The following ENTPD7 variants were observed in gnomAD, a reference collection of about 807,000 sequenced individuals.
The protein encoded by ENTPD7 is ectonucleoside triphosphate diphosphohydrolase 7, also known as NTPDase 7.
In ENTPD7, 53 loss-of-function variants were observed where a neutral mutation model predicts 77.9. That is an observed-to-expected ratio of 0.68 (90% CI 0.55 to 0.85). The LOEUF is 0.85. Among genes scored for constraint, ENTPD7 ranks in the 40% least tolerant of loss-of-function variants. The probability of loss-of-function intolerance (pLI) is 0.00; values close to 1 mark genes in which losing one functional copy is unlikely to be tolerated. For synonymous variants in ENTPD7, 248 were observed against 274.9 expected, an observed-to-expected ratio of 0.90 and a Z score of 0.97; for missense variants, 636 against 743.7, an observed-to-expected ratio of 0.86 and a Z score of 1.68.
intron 8 of ENTPD7, among the ~76,000 whole-genome samples, chr10:99,693,368 C>G (rs576933011): frequency 4.6e-5 from 7 of 152,308 alleles, no homozygotes; most frequent in Non-Finnish European, 7.4e-5. Context: ...GTTTAGCAGT[C>G]AGCAGAGAAT....
In ENTPD7 at chr10:99,706,540, G is replaced by A. The variant is rs1451767095; in HGVS notation, c.*1857G>A. ...TTTTTTTAGAGATGGAGTCTGTGTT[G>A]TCCAGGCTGGTCTCAAACTCTTGGG... is the stretch of plus-strand genomic sequence containing the variant. On this transcript the variant is annotated 3_prime_UTR_variant, in exon 13 of 13. Coordinates refer to ENST00000370489, the MANE Select transcript of ENTPD7 (RefSeq NM_020354.5). Among the ~76,000 whole-genome samples the A allele has an allele frequency of 6.6e-6, 1 of 151,346 alleles. No homozygotes were observed. The highest frequency in any genetic ancestry group is 2.4e-5 in the African/African-American group (1 of 41,148).
At position 99,698,816 on chromosome 10, in the gene ENTPD7, T is replaced by C; in HGVS notation, c.1293T>C (p.Ile431=). The C allele has an allele frequency of 6.2e-7, 1 of 1,611,352 alleles. No individual in the cohort carries two copies. Among genetic ancestry groups the C allele is most frequent in the South Asian group, 1.1e-5 (1 of 90,796 alleles). ...ATTGTACAGAGGATGTGTTGCGCAT[T>C]GGTGGCCGCTACCATGGGCCAACAT... The part of the protein sequence containing the change: ...FFYCTEDVLR[I]GGRYHGPTFA... Residue 431 remains isoleucine, a synonymous_variant, in exon 10 of 13, where the codon ATT becomes ATC. Coordinates refer to ENST00000370489, the MANE Select transcript of ENTPD7 (RefSeq NM_020354.5).
At chr10:99,680,441 CT>C (rs1254141333) in intron 5 of ENTPD7, among the ~76,000 whole-genome samples, 4 of 152,070 alleles carry the variant, frequency 2.6e-5, no homozygotes, top group Non-Finnish European at 5.9e-5. Context: ...GGCCAGACTC[CT>C]TGTTTGTGAT....
At chr10:99,666,004 G>A (rs181458526) in intron 3 of ENTPD7, among the ~76,000 whole-genome samples, 3 of 152,296 alleles carry the variant, frequency 2.0e-5, no homozygotes, top group African/African-American at 7.2e-5. Context: ...TTTCTCACTT[G>A]AAGACGACAT....
intron 8 of ENTPD7, among the ~76,000 whole-genome samples, chr10:99,693,311 C>T (rs1188709701): frequency 2.0e-5 from 3 of 152,068 alleles, no homozygotes; most frequent in African/African-American, 7.2e-5. Flanking sequence ...TTAAGATACC[C>T]AAGGAACATA....
chr10:99,660,254 A>G, intron 2 of ENTPD7: 2 of 942,234 alleles, frequency 2.1e-6, no homozygotes, highest in Non-Finnish European at 1.3e-6. Context: ...GCTAGGTGCC[A>G]CTTGAGGAGG....
At chr10:99,679,672 A>T in intron 4 of ENTPD7, 53 bp from the exon 5 acceptor site, 1 of 1,571,322 alleles carries the variant, frequency 6.4e-7, no homozygotes. Flanking sequence ...CCTGAGTCTT[A>T]TGTGAGCCGC....
intron 12 of ENTPD7, among the ~76,000 whole-genome samples, chr10:99,702,880 A>G (rs1590065387): frequency 1.3e-5 from 2 of 152,216 alleles, no homozygotes; most frequent in African/African-American, 4.8e-5. Context: ...AAGGTTGAGC[A>G]TTACTGGTCT....
rs1308281937 is a variant in ENTPD7, at chr10:99,710,601, G to T, written c.*5918G>T. The T allele has an allele frequency of 1.0e-6, 1 of 985,270 alleles. No homozygotes were observed. Among genetic ancestry groups the T allele is most frequent in the Non-Finnish European group, 1.2e-6 (1 of 829,934 alleles). 61.0% of individuals were successfully genotyped at this position (985,270 alleles called of 1,614,324 possible). A position where few individuals can be genotyped will look rare whatever the true frequency, so the allele number is the denominator to read the frequency against. On this transcript the variant is annotated 3_prime_UTR_variant, in exon 13 of 13. Transcript: ENST00000370489. ...ACAAACATTTTAGGTCAGTGTTGAG[G>T]AAAATGTGTGATGCATGTTAGAGAG...
chr10:99,666,502 C>T (rs565329073), intron 3 of ENTPD7, among the ~76,000 whole-genome samples: 1 of 152,280 alleles, frequency 6.6e-6, no homozygotes, highest in Admixed American at 6.5e-5. Context: ...AGCCATCGTG[C>T]CCAGCCAGAA....
intron 11 of ENTPD7, among the ~76,000 whole-genome samples, chr10:99,701,536 C>G (rs1271456174): frequency 6.6e-6 from 1 of 151,702 alleles, no homozygotes; most frequent in Admixed American, 6.6e-5. Context: ...GATCCGCCTG[C>G]CTCGCCCTCC....
Position 99,702,520 on chromosome 10 carries a change from GT to G in ENTPD7, c.1434del (p.Phe478LeufsTer120). The G allele has an allele frequency of 6.4e-7, 1 of 1,572,790 alleles. No homozygotes were observed. Among genetic ancestry groups the G allele is most frequent in the Non-Finnish European group, 8.6e-7 (1 of 1,162,148 alleles). ...HADEHRLKYQ[C>X]FKSAWMYQVL... ...TTATTTTTGTCACACAGATATCAGT[GT>G]TTTAAATCGGCTTGGATGTACCAAG... On this transcript the variant is annotated frameshift_variant, in exon 12 of 13. Transcript: ENST00000370489. LOFTEE classifies it high-confidence loss of function.
At chr10:99,696,163 C>A in intron 9 of ENTPD7, 41 bp downstream of exon 9, 1 of 1,601,734 alleles carries the variant, frequency 6.2e-7, no homozygotes, top group South Asian at 1.1e-5. Context: ...AATATAATGT[C>A]AGGCTGCAGA....
chr10:99,689,334 T>A (rs565939434), intron 7 of ENTPD7, among the ~76,000 whole-genome samples: 47 of 152,274 alleles, frequency 3.1e-4, no homozygotes, highest in Middle Eastern at 6.8e-3. Context: ...ATTTGATTAA[T>A]ATGTCTCTTT....
intron 2 of ENTPD7, 127 bp from the exon 3 acceptor site, chr10:99,661,319 G>C: frequency 1.4e-6 from 1 of 728,386 alleles, no homozygotes; most frequent in Non-Finnish European, 2.1e-6. Flanking sequence ...GAGATGACAA[G>C]AACATTTAGA....
intron 6 of ENTPD7, among the ~76,000 whole-genome samples, chr10:99,687,708 A>G (rs572198581): frequency 8.5e-5 from 13 of 152,268 alleles, no homozygotes; most frequent in African/African-American, 3.1e-4. Context: ...GGTCAGATCC[A>G]TGTATTTGTA....
chr10:99,684,294 C>A (rs1276117879), intron 5 of ENTPD7, among the ~76,000 whole-genome samples: 1 of 152,174 alleles, frequency 6.6e-6, no homozygotes, highest in Non-Finnish European at 1.5e-5. Context: ...TCAGGTTATC[C>A]ATGTGCCTCA....
chr10:99,677,946 A>G (rs1488212736), intron 3 of ENTPD7, among the ~76,000 whole-genome samples: 3 of 152,184 alleles, frequency 2.0e-5, no homozygotes, highest in African/African-American at 2.4e-5. Flanking sequence ...TGTTTCATGG[A>G]ACACCTTTAC....
rs74152718 is a variant in ENTPD7 at position 99,698,537 on chromosome 10, G to T, written c.1014G>T (p.Leu338Phe). 34 of 1,612,394 alleles carry T rather than the reference G, an allele frequency of 2.1e-5. No individual in the cohort carries two copies. Among genetic ancestry groups the T allele is most frequent in the Non-Finnish European group, 2.9e-5 (34 of 1,178,814 alleles). Residue 338 changes from leucine to phenylalanine, a missense_variant, in exon 10 of 13, where the codon TTG (leucine) becomes TTT (phenylalanine). Physicochemically the swap from Leu to Phe is conservative, Grantham distance 22. Transcript: ENST00000370489. Reference protein sequence around the residue: ...VLNETLNKNRLLGQKTGLSPD... With the variant: ...VLNETLNKNRFLGQKTGLSPD... ...TTTGTTTTTGTCATTGTGGCAGATT[G>T]CTTGGTCAGAAGACAGGTCTGAGTC...
Sources: gnomAD v4.1 joint callset for allele counts (sites outside exome capture counted in the v4.1 genomes callset) on GRCh38, gnomAD v4.1.1 for gene constraint, MANE v1.5 for transcripts, NCBI Gene and HGNC (gene_info 2026-07-23, HGNC 2026-07-21) for gene names.